Variants in SF3A3 observed in about 807,000 individuals in gnomAD.
SF3A3 encodes the protein SAP 61.
A neutral mutation model predicts 85.8 loss-of-function variants in SF3A3; 9 were observed. That is an observed-to-expected ratio of 0.10 (90% CI 0.06 to 0.18). The LOEUF is 0.18. SF3A3 is among the 10% of genes least tolerant of loss of function. The pLI, the probability that SF3A3 is intolerant of heterozygous loss-of-function variation, is 1.00. For missense variants in SF3A3, 306 were observed against 593.3 expected, an observed-to-expected ratio of 0.52 and a Z score of 5.03; for synonymous variants, 195 against 204.4, an observed-to-expected ratio of 0.95 and a Z score of 0.39.
intron 1 of SF3A3, 38 bp downstream of exon 1, chr1:37,989,832 C>T (rs112127178): frequency 2.0e-6 from 3 of 1,493,930 alleles, no homozygotes; most frequent in African/African-American, 1.4e-5. Flanking sequence ...GATAGAGGCT[C>T]GTGCTCCTGC....
chr1:37,983,401 TG>T (rs922104469), intron 6 of SF3A3, among the ~76,000 whole-genome samples: 2 of 149,568 alleles, frequency 1.3e-5, no homozygotes, highest in African/African-American at 4.9e-5. Flanking sequence ...CTTGGCAACA[TG>T]GCAAAACCCC....
intron 2 of SF3A3, among the ~76,000 whole-genome samples, chr1:37,988,857 T>TTG (rs547811229): frequency 0.1 from 14,694 of 146,558 alleles, 1,889 homozygotes; most frequent in African/African-American, 0.29. Flanking sequence ...ACGGGGTGTG[T>TTG]TGTGTGTGTG....
intron 9 of SF3A3, 133 bp downstream of exon 9, chr1:37,979,332 T>G (rs1646401329): frequency 1.4e-6 from 1 of 737,796 alleles, no homozygotes. Flanking sequence ...GCCTTGCTAC[T>G]TTCTTTGTAG....
At chr1:37,967,715 C>T (rs2148717372) in intron 15 of SF3A3, among the ~76,000 whole-genome samples, 1 of 118,816 alleles carries the variant, frequency 8.4e-6, no homozygotes, top group African/African-American at 3.0e-5. Flanking sequence ...AAAAAATTAG[C>T]CAGGTGTGGT....
chr1:37,966,172 C>A (rs1000238447), intron 15 of SF3A3, among the ~76,000 whole-genome samples: 5 of 151,738 alleles, frequency 3.3e-5, no homozygotes, highest in African/African-American at 1.2e-4. Context: ...TACTGCACTC[C>A]AGCTTGGGTG....
intron 7 of SF3A3, among the ~76,000 whole-genome samples, chr1:37,981,477 TTCTATAATGAGAC>T (rs1181767016): frequency 6.6e-6 from 1 of 152,208 alleles, no homozygotes; most frequent in Non-Finnish European, 1.5e-5. Flanking sequence ...GGAGAGTTCC[TTCTATAATGAGAC>T]AAAATTAAGA....
rs763184074 is a variant in SF3A3, at chr1:37,989,995, A to T, written c.-30T>A. 41 of 1,537,418 alleles carry T rather than the reference A, an allele frequency of 2.7e-5. No individual in the cohort carries two copies. The highest frequency in any genetic ancestry group is 3.5e-5 in the Non-Finnish European group (39 of 1,118,410). ...CCTTAGTCGCGGCTTCTCAATTCAG[A>T]CCACCAACACGGCCGGAAGCAACTC... On this transcript the variant is annotated 5_prime_UTR_variant, in exon 1 of 17. Transcript: ENST00000373019.
At chr1:37,976,093 T>G (rs1570463631) in intron 12 of SF3A3, among the ~76,000 whole-genome samples, 1 of 151,036 alleles carries the variant, frequency 6.6e-6, no homozygotes, top group Admixed American at 6.6e-5. Context: ...GAGGTGGAGG[T>G]TGCAGTGAGC....
At chr1:37,960,535 ACAATCT>A (rs1646249596) in intron 15 of SF3A3, 1 of 220,778 alleles carries the variant, frequency 4.5e-6, no homozygotes, top group African/African-American at 2.2e-5. Context: ...TAGTTCAATA[ACAATCT>A]CTATGAAGGA....
intron 12 of SF3A3, among the ~76,000 whole-genome samples, chr1:37,970,881 C>T (rs75604381): frequency 0.025 from 3,737 of 152,184 alleles, 186 homozygotes; most frequent in East Asian, 0.22. Flanking sequence ...ATTTATAGCA[C>T]TAAATGTCCA....
chr1:37,957,075 T>G lies in SF3A3; in HGVS notation c.*1111A>C, dbSNP rs1187116123. 3 of 152,212 alleles carry G rather than the reference T, an allele frequency of 2.0e-5. No homozygotes were observed. Among genetic ancestry groups the G allele is most frequent in the African/African-American group, 2.4e-5 (1 of 41,452 alleles). The allele number at this position is 152,212 out of a possible 1,614,324, so 9.4% of individuals were successfully genotyped here. A position where few individuals can be genotyped will look rare whatever the true frequency, so the allele number is the denominator to read the frequency against. ...TCCTGTCCTGCAGCAGGCCTGACTT[T>G]CAGATGACTGTGCTTATAAGGCAGA... On this transcript the variant is annotated 3_prime_UTR_variant, in exon 17 of 17. Coordinates refer to ENST00000373019, the MANE Select transcript of SF3A3 (RefSeq NM_006802.4).
At chr1:37,960,308 A>G (rs1479153993) in intron 15 of SF3A3, 133 bp from the exon 16 acceptor site, 3 of 768,744 alleles carry the variant, frequency 3.9e-6, no homozygotes, top group Non-Finnish European at 6.6e-6. Context: ...CCTACCCCAA[A>G]CCAGAGTTTT....
intron 2 of SF3A3, among the ~76,000 whole-genome samples, chr1:37,989,285 A>G (rs1185899087): frequency 6.6e-6 from 1 of 150,552 alleles, no homozygotes; most frequent in Admixed American, 6.6e-5. Flanking sequence ...ACAGAGCGAG[A>G]CTCCGTCCAA....
chr1:37,982,269 C>A (rs754027528), intron 6 of SF3A3, among the ~76,000 whole-genome samples: 13 of 152,140 alleles, frequency 8.5e-5, no homozygotes, highest in Non-Finnish European at 1.9e-4. Flanking sequence ...TTGGTCACTA[C>A]AACTCTGGGA....
chr1:37,971,638 A>G (rs1646345312), intron 12 of SF3A3, among the ~76,000 whole-genome samples: 2 of 152,210 alleles, frequency 1.3e-5, no homozygotes, highest in African/African-American at 2.4e-5. Context: ...ATCCAGCAGC[A>G]CATCAAAAAC....
intron 6 of SF3A3, among the ~76,000 whole-genome samples, chr1:37,983,474 A>T (rs1298686018): frequency 2.0e-5 from 3 of 147,174 alleles, no homozygotes; most frequent in Non-Finnish European, 4.5e-5. Flanking sequence ...AGTCCCAAGT[A>T]CTTGGTGGGG....
intron 12 of SF3A3, among the ~76,000 whole-genome samples, chr1:37,974,496 G>A (rs538574099): frequency 1.3e-5 from 2 of 152,024 alleles, no homozygotes; most frequent in Non-Finnish European, 2.9e-5. Context: ...TAGAGACAGG[G>A]TTTCACAGTG....
intron 4 of SF3A3, among the ~76,000 whole-genome samples, chr1:37,986,436 A>C (rs1421983314): frequency 2.0e-5 from 3 of 152,106 alleles, no homozygotes; most frequent in Non-Finnish European, 4.4e-5. Flanking sequence ...GTAAGGCAAC[A>C]CCACCTGGAG....
intron 12 of SF3A3, among the ~76,000 whole-genome samples, chr1:37,975,832 T>C (rs58550204): frequency 1.3e-5 from 2 of 152,158 alleles, no homozygotes; most frequent in African/African-American, 4.8e-5. Context: ...CAACGGACCA[T>C]GCGAGTATGT....
Sources: allele counts gnomAD v4.1 joint callset (sites outside exome capture counted in the v4.1 genomes callset), GRCh38; gene constraint gnomAD v4.1.1; transcripts MANE v1.5; gene names NCBI Gene and HGNC (gene_info 2026-07-23, HGNC 2026-07-21).